Variants in PARD3 observed in about 807,000 individuals in gnomAD.
PARD3 encodes the protein par-3 family cell polarity regulator.
In PARD3, 75 loss-of-function variants were observed where a neutral mutation model predicts 155.4. The ratio of observed to expected loss-of-function variants is 0.48; its 90% CI spans 0.40 to 0.58. The LOEUF is 0.58. PARD3 is among the 20% of genes least tolerant of loss of function. PARD3 has a pLI of 0.00. For missense variants in PARD3, 1,642 were observed against 1,721.7 expected, an observed-to-expected ratio of 0.95 and a Z score of 0.82; for synonymous variants, 576 against 610.5, an observed-to-expected ratio of 0.94 and a Z score of 0.83.
intron 22 of PARD3, among the ~76,000 whole-genome samples, chr10:34,184,130 TATAC>T (rs1333966589): frequency 6.6e-6 from 1 of 152,202 alleles, no homozygotes; most frequent in Admixed American, 6.5e-5. Context: ...CACATCCTTT[TATAC>T]TGGGAATAGT....
chr10:34,120,356 C>T (rs1946929185), intron 23 of PARD3, among the ~76,000 whole-genome samples: 1 of 151,620 alleles, frequency 6.6e-6, no homozygotes, highest in Admixed American at 6.6e-5. Context: ...CACCATTTAC[C>T]TCTCTCCAGA....
At chr10:34,116,701 C>G (rs557818300) in intron 24 of PARD3, among the ~76,000 whole-genome samples, 11 of 152,366 alleles carry the variant, frequency 7.2e-5, no homozygotes, top group African/African-American at 2.4e-4. Context: ...GCTGCCCAAA[C>G]TTACATAACT....
intron 3 of PARD3, among the ~76,000 whole-genome samples, chr10:34,513,609 C>A (rs1490089784): frequency 6.6e-6 from 1 of 150,840 alleles, no homozygotes; most frequent in African/African-American, 2.4e-5. Context: ...TTTCTCATTT[C>A]TTACATTTTT....
At chr10:34,217,740 C>G (rs989828963) in intron 22 of PARD3, among the ~76,000 whole-genome samples, 1 of 152,130 alleles carries the variant, frequency 6.6e-6, no homozygotes, top group Non-Finnish European at 1.5e-5. Context: ...GATATTTATT[C>G]AGTTCATATT....
chr10:34,146,121 T>C (rs905405315), intron 22 of PARD3, among the ~76,000 whole-genome samples: 8 of 152,208 alleles, frequency 5.3e-5, no homozygotes, highest in Admixed American at 1.3e-4. Flanking sequence ...TATTTCTATA[T>C]CTCATTCTGT....
intron 22 of PARD3, among the ~76,000 whole-genome samples, chr10:34,225,630 G>A (rs763561909): frequency 6.6e-6 from 1 of 152,172 alleles, no homozygotes; most frequent in East Asian, 1.9e-4. Flanking sequence ...ACAGGTGTGA[G>A]TCACCATGCC....
intron 22 of PARD3, among the ~76,000 whole-genome samples, chr10:34,215,120 C>T (rs1951941893): frequency 6.6e-6 from 1 of 152,168 alleles, no homozygotes; most frequent in African/African-American, 2.4e-5. Context: ...ACGCTAAATA[C>T]ACTTTAAATA....
At chr10:34,361,044 A>G (rs1320077926) in intron 12 of PARD3, among the ~76,000 whole-genome samples, 1 of 152,240 alleles carries the variant, frequency 6.6e-6, no homozygotes, top group African/African-American at 2.4e-5. Flanking sequence ...AATAAAATGC[A>G]TTAAGATGAC....
chr10:34,169,902 G>A (rs1301980802), intron 22 of PARD3, among the ~76,000 whole-genome samples: 1 of 152,266 alleles, frequency 6.6e-6, no homozygotes, highest in South Asian at 2.1e-4. Context: ...CCTGCAGGAT[G>A]TATCTGCAGG....
intron 7 of PARD3, among the ~76,000 whole-genome samples, chr10:34,385,098 C>A (rs1376758341): frequency 6.6e-6 from 1 of 152,156 alleles, no homozygotes; most frequent in African/African-American, 2.4e-5. Context: ...GGGTCTTAAC[C>A]TAGCTCTGAT....
chr10:34,722,310 A>C (rs1173280639), intron 1 of PARD3, among the ~76,000 whole-genome samples: 1 of 152,136 alleles, frequency 6.6e-6, no homozygotes, highest in Non-Finnish European at 1.5e-5. Context: ...AACAAATAAG[A>C]TTTGCCCGTC....
rs58220151 is a variant in PARD3 at position 34,429,553 on chromosome 10, A to AGTTTTGTTTT, written c.714+20754_714+20763dup. 7.5e-3 allele frequency among the ~76,000 whole-genome samples: 1,095 copies of AGTTTTGTTTT among 145,222 alleles called. 15 individuals carry two copies. Among genetic ancestry groups the AGTTTTGTTTT allele is most frequent in the African/African-American group, 0.023 (892 of 39,108 alleles). On this transcript the variant is annotated intron_variant, in intron 5 of 24. Coordinates refer to ENST00000374788, the MANE Select transcript of PARD3 (RefSeq NM_001184785.2). Reference sequence around the variant, plus strand: ...TAAGAATACAGCCCCACTCTAACTCAGTTTTGTTTTGTTTTGTTTTGTTTT... The same window carrying AGTTTTGTTTT: ...TAAGAATACAGCCCCACTCTAACTCAGTTTTGTTTTGTTTTGTTTTGTTTTGTTTTGTTTT...
chr10:34,319,654 T>C (rs1456415736), intron 19 of PARD3, among the ~76,000 whole-genome samples: 5 of 152,230 alleles, frequency 3.3e-5, no homozygotes, highest in African/African-American at 9.6e-5. Flanking sequence ...AAGAATATCC[T>C]GGCAGTTGGC....
At chr10:34,638,964 G>A (rs2092577229) in intron 2 of PARD3, among the ~76,000 whole-genome samples, 1 of 152,204 alleles carries the variant, frequency 6.6e-6, no homozygotes, top group Non-Finnish European at 1.5e-5. Context: ...ACGGCTCTAT[G>A]AAGTTATTTC....
At chr10:34,640,122 G>C (rs1042355549) in intron 2 of PARD3, among the ~76,000 whole-genome samples, 3 of 152,138 alleles carry the variant, frequency 2.0e-5, no homozygotes, top group African/African-American at 7.2e-5. Context: ...GAAAGAACAA[G>C]CGAGGCTACA....
intron 1 of PARD3, among the ~76,000 whole-genome samples, chr10:34,719,851 A>C (rs1206649288): frequency 6.6e-6 from 1 of 152,222 alleles, no homozygotes; most frequent in African/African-American, 2.4e-5. Flanking sequence ...ATGGTACTAA[A>C]GCCCATTCTT....
chr10:34,150,928 C>G (rs1948748993), intron 22 of PARD3, among the ~76,000 whole-genome samples: 1 of 152,202 alleles, frequency 6.6e-6, no homozygotes. Context: ...CTGTCACATA[C>G]ATGTTTTGTC....
At chr10:34,420,186 C>T (rs1414021475) in intron 5 of PARD3, among the ~76,000 whole-genome samples, 1 of 152,194 alleles carries the variant, frequency 6.6e-6, no homozygotes, top group Non-Finnish European at 1.5e-5. Flanking sequence ...TTTTTAATAG[C>T]TGCAGAGTAT....
At chr10:34,802,556 G>C (rs1249327124) in intron 1 of PARD3, among the ~76,000 whole-genome samples, 1 of 152,152 alleles carries the variant, frequency 6.6e-6, no homozygotes, top group Non-Finnish European at 1.5e-5. Flanking sequence ...CTTGTATTAT[G>C]TGTCAAAGCT....
Sources: allele counts gnomAD v4.1 joint callset (sites outside exome capture counted in the v4.1 genomes callset), GRCh38; gene constraint gnomAD v4.1.1; transcripts MANE v1.5; gene names NCBI Gene and HGNC (gene_info 2026-07-23, HGNC 2026-07-21).